Variants in ITPR1 observed in about 807,000 individuals in gnomAD.
ITPR1 encodes inositol 1,4,5-trisphosphate receptor type 1, also known as inositol 1,4,5-trisphosphate-gated calcium channel ITPR1.
ITPR1 carries 96 observed loss-of-function variants against 318.4 expected under a neutral mutation model. That is an observed-to-expected ratio of 0.30 (90% CI 0.26 to 0.36). The LOEUF is 0.36. ITPR1 is among the 10% of genes least tolerant of loss of function. ITPR1 has a pLI of 1.00. For missense variants in ITPR1, 2,440 were observed against 3,460.2 expected, an observed-to-expected ratio of 0.71 and a Z score of 7.40; for synonymous variants, 1,312 against 1,289.9, an observed-to-expected ratio of 1.02 and a Z score of -0.37.
intron 12 of ITPR1, among the ~76,000 whole-genome samples, chr3:4,656,251 G>C (rs2093706140): frequency 6.6e-6 from 1 of 152,204 alleles, no homozygotes; most frequent in Non-Finnish European, 1.5e-5. Flanking sequence ...TAATGCAATT[G>C]TGATTTTCCT....
At chr3:4,776,973 T>C (rs2046524931) in intron 47 of ITPR1, among the ~76,000 whole-genome samples, 1 of 152,214 alleles carries the variant, frequency 6.6e-6, no homozygotes, top group African/African-American at 2.4e-5. Flanking sequence ...ATACACCATA[T>C]TTTCCCTTAA....
In ITPR1 at chr3:4,645,885, G is replaced by T. The variant is rs79901766; in HGVS notation, c.855+157G>T. 6.0e-6 allele frequency: 4 copies of T among 667,230 alleles called. No individual in the cohort carries two copies. The East Asian group carries it at 1.1e-4, about 19-fold the overall frequency. 41.3% of individuals were successfully genotyped at this position (667,230 alleles called of 1,614,324 possible). A position where few individuals can be genotyped will look rare whatever the true frequency, so the allele number is the denominator to read the frequency against. On this transcript the variant is annotated intron_variant, in intron 10 of 61. Transcript: ENST00000649015. ...ACCTACACACACACACAGAATACAT[G>T]TGTGTGTATATATATAAGTCACAAA...
At chr3:4,761,473 G>A (rs2045444092) in intron 44 of ITPR1, among the ~76,000 whole-genome samples, 1 of 152,128 alleles carries the variant, frequency 6.6e-6, no homozygotes, top group African/African-American at 2.4e-5. Context: ...AGTATTCCAT[G>A]TTTTATATGT....
intron 2 of ITPR1, among the ~76,000 whole-genome samples, chr3:4,504,222 T>C (rs1009996888): frequency 1.3e-5 from 2 of 152,208 alleles, no homozygotes; most frequent in African/African-American, 4.8e-5. Context: ...GTAGATATTG[T>C]ACCTGGTTGG....
At chr3:4,795,316 G>A in intron 53 of ITPR1, 129 bp downstream of exon 53, 2 of 750,320 alleles carry the variant, frequency 2.7e-6, no homozygotes, top group Middle Eastern at 2.6e-4. Flanking sequence ...TCAGACAAGA[G>A]GAGATTGTAG....
chr3:4,546,760 C>CTTT (rs11349589), intron 4 of ITPR1, among the ~76,000 whole-genome samples: 6 of 138,142 alleles, frequency 4.3e-5, no homozygotes, highest in Admixed American at 7.3e-5. Flanking sequence ...CAACTCTGAC[C>CTTT]TTTTTTTTTT....
chr3:4,658,394 T>A, intron 13 of ITPR1, 116 bp downstream of exon 13: 1 of 925,494 alleles, frequency 1.1e-6, no homozygotes. Flanking sequence ...ATAAAGGATT[T>A]GGTGAAAGGT....
At chr3:4,704,125 G>A (rs1211301456) in intron 36 of ITPR1, among the ~76,000 whole-genome samples, 1 of 152,180 alleles carries the variant, frequency 6.6e-6, no homozygotes, top group East Asian at 1.9e-4. Context: ...AAAACTACCT[G>A]TTGGAGGCCG....
intron 54 of ITPR1, among the ~76,000 whole-genome samples, chr3:4,803,788 A>G (rs546569812): frequency 6.6e-6 from 1 of 152,328 alleles, no homozygotes; most frequent in East Asian, 1.9e-4. Context: ...GGAAAGACTC[A>G]ACTGAGATAA....
intron 16 of ITPR1, 64 bp downstream of exon 16, chr3:4,663,270 C>T: frequency 1.3e-6 from 2 of 1,481,724 alleles, no homozygotes; most frequent in Non-Finnish European, 1.8e-6. Context: ...TGAGTGGTAG[C>T]TCATGCCTGT....
chr3:4,496,315 ATG>A lies in ITPR1; in HGVS notation c.-17+1829_-17+1830del, dbSNP rs61120521. Among the ~76,000 whole-genome samples, 1,302 of 151,110 alleles carry A rather than the reference ATG, an allele frequency of 8.6e-3. 14 individuals are homozygous for A. The highest frequency in any genetic ancestry group is 0.029 in the African/African-American group (1,207 of 41,248). ...GTTCTCCATTTTTTCTTTCAAGTTC[ATG>A]TGTGTGTGTGTGTGTGTGTATGCAT... On this transcript the variant is annotated intron_variant, in intron 2 of 61. Coordinates refer to ENST00000649015, the MANE Select transcript of ITPR1 (RefSeq NM_001378452.1).
chr3:4,810,499 C>A (rs1237646718), intron 55 of ITPR1, among the ~76,000 whole-genome samples: 2 of 152,186 alleles, frequency 1.3e-5, no homozygotes, highest in Non-Finnish European at 2.9e-5. Context: ...GGCACTGTGA[C>A]CTGCAGGGGT....
chr3:4,748,613 T>C (rs1395779334), intron 44 of ITPR1, among the ~76,000 whole-genome samples: 1 of 152,130 alleles, frequency 6.6e-6, no homozygotes, highest in Non-Finnish European at 1.5e-5. Flanking sequence ...AGGGTAAGAG[T>C]GAAGGCTGGG....
chr3:4,551,438 G>T (rs113223725), intron 4 of ITPR1, among the ~76,000 whole-genome samples: 1,623 of 152,284 alleles, frequency 0.011, 32 homozygotes, highest in African/African-American at 0.036. Context: ...AGCATACAGG[G>T]TTTTTTATGA....
chr3:4,696,751 G>A (rs1177626810), intron 33 of ITPR1, among the ~76,000 whole-genome samples: 1 of 149,372 alleles, frequency 6.7e-6, no homozygotes, highest in Non-Finnish European at 1.5e-5. Context: ...CTTTTCTCTG[G>A]GGGTATCTAT....
chr3:4,755,829 G>A (rs745922596), intron 44 of ITPR1, among the ~76,000 whole-genome samples: 3 of 152,186 alleles, frequency 2.0e-5, no homozygotes, highest in Non-Finnish European at 4.4e-5. Context: ...GTGTGGATGA[G>A]GGAGGACCTT....
At position 4,811,465 on chromosome 3, in the gene ITPR1, GT is replaced by G; in HGVS notation, c.7468+8del. ...CCAATGAAACAGCTGTTCCAGGTGG[GT>G]TTGGGATCTTCTGATCTTTTTAATG... On this transcript the variant is annotated splice_donor_region_variant and intron_variant, in intron 56 of 61. Coordinates refer to ENST00000649015, the MANE Select transcript of ITPR1 (RefSeq NM_001378452.1). 1 of 1,604,492 alleles carries G rather than the reference GT, an allele frequency of 6.2e-7. No individual in the cohort carries two copies. The highest frequency in any genetic ancestry group is 1.1e-5 in the South Asian group (1 of 90,316).
At chr3:4,715,104 G>A (rs2041670281) in intron 39 of ITPR1, among the ~76,000 whole-genome samples, 1 of 152,132 alleles carries the variant, frequency 6.6e-6, no homozygotes, top group Non-Finnish European at 1.5e-5. Flanking sequence ...AGAAAACATA[G>A]GCTCTGAGAG....
chr3:4,616,657 T>C (rs2686610), intron 4 of ITPR1, among the ~76,000 whole-genome samples: 13,136 of 152,162 alleles, frequency 0.086, 1,842 homozygotes, highest in African/African-American at 0.3. Context: ...AATGAGATGG[T>C]TTTGAAGAGT....
Sources: allele counts gnomAD v4.1 joint callset (sites outside exome capture counted in the v4.1 genomes callset), GRCh38; gene constraint gnomAD v4.1.1; transcripts MANE v1.5; gene names NCBI Gene and HGNC (gene_info 2026-07-23, HGNC 2026-07-21).